RBFOX1: variants seen among roughly 807,000 people sequenced by gnomAD.
The protein encoded by RBFOX1 is RNA binding fox-1 homolog 1.
In RBFOX1, 8 loss-of-function variants were observed where a neutral mutation model predicts 57.7. That is an observed-to-expected ratio of 0.14 (90% CI 0.08 to 0.25). RBFOX1 has a LOEUF of 0.25. Ranked by LOEUF, RBFOX1 falls within the 10% of genes least tolerant of loss-of-function variation. The probability of loss-of-function intolerance (pLI) is 1.00; values close to 1 mark genes in which losing one functional copy is unlikely to be tolerated. For missense variants in RBFOX1, 611 were observed against 548.5 expected, an observed-to-expected ratio of 1.11 and a Z score of -1.14; for synonymous variants, 326 against 222.4, an observed-to-expected ratio of 1.47 and a Z score of -4.15.
At chr16:6,510,029 C>G (rs2096217806) in intron 2 of RBFOX1, among the ~76,000 whole-genome samples, 1 of 152,114 alleles carries the variant, frequency 6.6e-6, no homozygotes, top group East Asian at 1.9e-4. Context: ...GTGTCTGTTC[C>G]TGTGATTGAA....
chr16:6,039,424 A>G (rs1050007749), intron 1 of RBFOX1, among the ~76,000 whole-genome samples: 3 of 151,832 alleles, frequency 2.0e-5, no homozygotes, highest in African/African-American at 7.3e-5. Flanking sequence ...ATGAACAGGA[A>G]AGAACCATAT....
chr16:6,541,482 G>C (rs536007876), intron 2 of RBFOX1, among the ~76,000 whole-genome samples: 3 of 152,304 alleles, frequency 2.0e-5, no homozygotes, highest in South Asian at 2.1e-4. Flanking sequence ...GTGATCTGCC[G>C]AGAAAGATGA....
chr16:5,907,476 C>T (rs1265639510), intron 4 of RBFOX1, among the ~76,000 whole-genome samples: 1 of 152,066 alleles, frequency 6.6e-6, no homozygotes, highest in Admixed American at 6.5e-5. Flanking sequence ...CATTGTGATC[C>T]ACATCTGTCT....
intron 3 of RBFOX1, among the ~76,000 whole-genome samples, chr16:5,673,209 T>C (rs554372492): frequency 7.2e-4 from 109 of 152,196 alleles, no homozygotes; most frequent in Non-Finnish European, 1.2e-3. Context: ...AGCTCATTAT[T>C]CAAGTAGAAG....
At chr16:6,080,446 G>A (rs1050682277) in intron 1 of RBFOX1, among the ~76,000 whole-genome samples, 2 of 152,286 alleles carry the variant, frequency 1.3e-5, no homozygotes, top group East Asian at 3.9e-4. Flanking sequence ...ACCAAGCATT[G>A]GCCTGTGTGC....
At chr16:6,392,286 T>C (rs867298410) in intron 2 of RBFOX1, among the ~76,000 whole-genome samples, 1 of 152,234 alleles carries the variant, frequency 6.6e-6, no homozygotes, top group African/African-American at 2.4e-5. Flanking sequence ...TTTGTCTTCA[T>C]TGAATTTCGA....
At chr16:6,866,191 T>G (rs1567625800) in intron 3 of RBFOX1, among the ~76,000 whole-genome samples, 2 of 152,190 alleles carry the variant, frequency 1.3e-5, no homozygotes, top group Admixed American at 1.3e-4. Context: ...ACCTTATCTC[T>G]GGTAGTTCTT....
chr16:7,406,602 T>C (rs1231566417), intron 4 of RBFOX1, among the ~76,000 whole-genome samples: 2 of 152,232 alleles, frequency 1.3e-5, no homozygotes, highest in Admixed American at 1.3e-4. Context: ...GAATCCAGTG[T>C]TGGCCTGCCT....
At chr16:5,840,653 T>C (rs1410442396) in intron 3 of RBFOX1, among the ~76,000 whole-genome samples, 3 of 152,044 alleles carry the variant, frequency 2.0e-5, no homozygotes, top group Non-Finnish European at 4.4e-5. Flanking sequence ...AAGGGGAGGA[T>C]TAGGGTTACT....
chr16:7,120,934 C>G (rs931863047), intron 4 of RBFOX1, among the ~76,000 whole-genome samples: 2 of 151,348 alleles, frequency 1.3e-5, no homozygotes, highest in South Asian at 2.1e-4. Context: ...GTATTAGTCC[C>G]AGGAGTCCAA....
At chr16:7,470,991 C>A (rs1267638440) in intron 4 of RBFOX1, among the ~76,000 whole-genome samples, 2 of 151,630 alleles carry the variant, frequency 1.3e-5, no homozygotes, top group East Asian at 1.9e-4. Context: ...GATCCTACTG[C>A]CAAGATAGAT....
chr16:6,031,138 G>GA (rs2095282805), intron 1 of RBFOX1, among the ~76,000 whole-genome samples: 1 of 152,214 alleles, frequency 6.6e-6, no homozygotes, highest in Non-Finnish European at 1.5e-5. Flanking sequence ...TCTCCAAGGA[G>GA]AGGTATTGGG....
At chr16:6,854,013 A>G (rs1232426545) in intron 3 of RBFOX1, among the ~76,000 whole-genome samples, 1 of 152,306 alleles carries the variant, frequency 6.6e-6, no homozygotes, top group South Asian at 2.1e-4. Flanking sequence ...GAAAGAAAGA[A>G]AGGTAGAAGG....
intron 3 of RBFOX1, among the ~76,000 whole-genome samples, chr16:6,974,336 C>CTTTTTTTTTTTTT (rs59299498): frequency 2.6e-4 from 15 of 58,668 alleles, no homozygotes; most frequent in East Asian, 6.3e-4. Context: ...TTTTCTTTTT[C>CTTTTTTTTTTTTT]TTTTTTTTTT....
chr16:5,630,244 G>A (rs1328740758), intron 3 of RBFOX1, among the ~76,000 whole-genome samples: 1 of 152,146 alleles, frequency 6.6e-6, no homozygotes, highest in Admixed American at 6.5e-5. Context: ...ATCACCTGAG[G>A]TCAGGAGTTC....
intron 2 of RBFOX1, among the ~76,000 whole-genome samples, chr16:6,494,100 G>C (rs1253498673): frequency 3.3e-5 from 5 of 152,176 alleles, no homozygotes. Context: ...ATATGCAGTT[G>C]TAAGAAAATA....
At chr16:5,266,143 C>G (rs771707799) in intron 1 of RBFOX1, among the ~76,000 whole-genome samples, 5 of 152,084 alleles carry the variant, frequency 3.3e-5, no homozygotes, top group Non-Finnish European at 5.9e-5. Flanking sequence ...AGATCCTGAG[C>G]ACGAAAGAGC....
chr16:7,493,250 C>A (rs755240910), intron 4 of RBFOX1, among the ~76,000 whole-genome samples: 2 of 152,218 alleles, frequency 1.3e-5, no homozygotes, highest in Non-Finnish European at 2.9e-5. Context: ...CTCAGTCAGA[C>A]TGTCTACCTT....
chr16:5,388,605 C>G (rs1264713530), intron 1 of RBFOX1, among the ~76,000 whole-genome samples: 2 of 152,004 alleles, frequency 1.3e-5, no homozygotes, highest in East Asian at 3.9e-4. Context: ...GAGACAGAGT[C>G]TCGCTCTGTC....
Sources: allele counts gnomAD v4.1 joint callset (sites outside exome capture counted in the v4.1 genomes callset), GRCh38; gene constraint gnomAD v4.1.1; transcripts MANE v1.5; gene names NCBI Gene and HGNC (gene_info 2026-07-23, HGNC 2026-07-21).